The following FAM13A variants were observed in gnomAD, a reference collection of about 807,000 sequenced individuals.
FAM13A encodes family with sequence similarity 13 member A, also known as protein FAM13A.
In FAM13A, 76 loss-of-function variants were observed where a neutral mutation model predicts 129.6. The ratio of observed to expected loss-of-function variants is 0.59; its 90% CI spans 0.49 to 0.71. FAM13A has a LOEUF of 0.71. FAM13A is among the 30% of genes least tolerant of loss of function. The probability of loss-of-function intolerance (pLI) is 0.00; values close to 1 mark genes in which losing one functional copy is unlikely to be tolerated. For synonymous variants in FAM13A, 443 were observed against 449.9 expected, an observed-to-expected ratio of 0.98 and a Z score of 0.20; for missense variants, 1,108 against 1,249.3, an observed-to-expected ratio of 0.89 and a Z score of 1.70.
At chr4:88,854,748 C>A (rs1029109840) in intron 6 of FAM13A, among the ~76,000 whole-genome samples, 1 of 152,188 alleles carries the variant, frequency 6.6e-6, no homozygotes, top group South Asian at 2.1e-4. Context: ...ACATTCCATG[C>A]ATGTATCTGC....
At chr4:88,781,452 C>A (rs1438645221) in intron 10 of FAM13A, 101 bp from the exon 11 acceptor site, 3 of 793,542 alleles carry the variant, frequency 3.8e-6, no homozygotes, top group African/African-American at 3.6e-5. Flanking sequence ...CCAAAGAGTG[C>A]CCAGAAATTC....
intron 11 of FAM13A, among the ~76,000 whole-genome samples, chr4:88,774,334 A>T (rs6841084): frequency 0.57 from 86,624 of 152,116 alleles, 26,968 homozygotes; most frequent in Non-Finnish European, 0.72. Context: ...TGAGACTGTA[A>T]ACTTCAGGAA....
chr4:88,758,024 A>G (rs191863243), intron 14 of FAM13A, among the ~76,000 whole-genome samples: 10 of 152,256 alleles, frequency 6.6e-5, no homozygotes, highest in Non-Finnish European at 1.5e-4. Context: ...TTGGATCCAC[A>G]TTGGTATGTG....
intron 4 of FAM13A, among the ~76,000 whole-genome samples, chr4:88,939,281 G>C (rs1291481911): frequency 6.6e-6 from 1 of 152,070 alleles, no homozygotes; most frequent in Non-Finnish European, 1.5e-5. Context: ...AGCATTGCTT[G>C]ATTATAGGTG....
At chr4:88,873,278 A>T (rs911557813) in intron 6 of FAM13A, among the ~76,000 whole-genome samples, 1 of 152,230 alleles carries the variant, frequency 6.6e-6, no homozygotes, top group African/African-American at 2.4e-5. Context: ...AAGGCAAGAA[A>T]TAACTAAAAT....
chr4:88,765,923 A>G (rs1745644232), intron 13 of FAM13A, among the ~76,000 whole-genome samples: 1 of 152,202 alleles, frequency 6.6e-6, no homozygotes. Flanking sequence ...GAAGAAGAGG[A>G]CTTGGCACAT....
chr4:89,055,703 T>C (rs1368584462), intron 1 of FAM13A, among the ~76,000 whole-genome samples: 3 of 152,264 alleles, frequency 2.0e-5, no homozygotes, highest in South Asian at 2.1e-4. Flanking sequence ...ATTTTACACA[T>C]AGATAAATCA....
At chr4:88,930,169 C>T (rs932138648) in intron 5 of FAM13A, among the ~76,000 whole-genome samples, 8 of 152,090 alleles carry the variant, frequency 5.3e-5, no homozygotes, top group Non-Finnish European at 7.4e-5. Flanking sequence ...ATTTTGAATT[C>T]CTCATCTGGC....
rs1736604298 is a variant in FAM13A, at chr4:88,727,058, C to G, written c.*1475G>C. On this transcript the variant is annotated 3_prime_UTR_variant, in exon 24 of 24. Coordinates refer to ENST00000264344, the MANE Select transcript of FAM13A (RefSeq NM_014883.4). ...AAACGGGTCAGTATAGTTTTACATT[C>G]TTTTTCTTTTCCTTAAAACTGTGCC... 1 of 152,216 alleles carries G rather than the reference C, an allele frequency of 6.6e-6. No homozygotes were observed. Among genetic ancestry groups the G allele is most frequent in the Non-Finnish European group, 1.5e-5 (1 of 68,030 alleles). 9.4% of individuals were successfully genotyped at this position (152,216 alleles called of 1,614,324 possible).
chr4:88,780,840 T>C (rs549097345), intron 11 of FAM13A, among the ~76,000 whole-genome samples: 2 of 150,514 alleles, frequency 1.3e-5, no homozygotes, highest in East Asian at 1.9e-4. Context: ...CAAGAACAAA[T>C]AGAATGGGGA....
intron 5 of FAM13A, among the ~76,000 whole-genome samples, chr4:88,920,962 T>A (rs888822452): frequency 6.6e-6 from 1 of 151,820 alleles, no homozygotes; most frequent in Non-Finnish European, 1.5e-5. Flanking sequence ...TGATGGAAGA[T>A]GAAATGAATG....
At chr4:88,741,518 T>C (rs1740253180) in intron 19 of FAM13A, among the ~76,000 whole-genome samples, 2 of 152,222 alleles carry the variant, frequency 1.3e-5, no homozygotes, top group Admixed American at 1.3e-4. Context: ...TGAGCAAGGC[T>C]TCTGGAGGAT....
intron 19 of FAM13A, among the ~76,000 whole-genome samples, chr4:88,744,984 G>A (rs1014114759): frequency 3.3e-5 from 5 of 152,126 alleles, no homozygotes; most frequent in East Asian, 1.9e-4. Flanking sequence ...TGATAAGAGA[G>A]CTATGAAATG....
intron 4 of FAM13A, among the ~76,000 whole-genome samples, chr4:88,974,859 G>A (rs976718308): frequency 7.9e-5 from 12 of 152,040 alleles, no homozygotes; most frequent in African/African-American, 2.4e-4. Context: ...GCTAGTTCTC[G>A]GGCATAGACA....
At chr4:89,004,060 C>A (rs186919820) in intron 3 of FAM13A, among the ~76,000 whole-genome samples, 81 of 152,062 alleles carry the variant, frequency 5.3e-4, no homozygotes, top group South Asian at 1.5e-3. Context: ...TGGCCTAAAG[C>A]AATCCTCCTA....
intron 6 of FAM13A, among the ~76,000 whole-genome samples, chr4:88,902,945 G>A (rs1248560347): frequency 6.6e-6 from 1 of 152,000 alleles, no homozygotes; most frequent in Non-Finnish European, 1.5e-5. Flanking sequence ...AAAAATCATA[G>A]CATTCCTATT....
intron 5 of FAM13A, among the ~76,000 whole-genome samples, chr4:88,932,045 T>C (rs542794433): frequency 6.6e-6 from 1 of 152,318 alleles, no homozygotes. Flanking sequence ...TGAAGACATA[T>C]AGGAGTCAGA....
At chr4:88,852,853 A>C (rs1737842835) in intron 6 of FAM13A, among the ~76,000 whole-genome samples, 1 of 152,240 alleles carries the variant, frequency 6.6e-6, no homozygotes, top group Non-Finnish European at 1.5e-5. Flanking sequence ...ATATTGAATA[A>C]ATTCATGCCT....
intron 7 of FAM13A, among the ~76,000 whole-genome samples, chr4:88,826,823 A>C (rs1733072502): frequency 6.6e-6 from 1 of 152,122 alleles, no homozygotes; most frequent in Non-Finnish European, 1.5e-5. Flanking sequence ...ATTGGATCTC[A>C]TCATTTTCTC....
Sources: allele counts gnomAD v4.1 joint callset (sites outside exome capture counted in the v4.1 genomes callset), GRCh38; gene constraint gnomAD v4.1.1; transcripts MANE v1.5; gene names NCBI Gene and HGNC (gene_info 2026-07-23, HGNC 2026-07-21).